Variants in BMPR1A observed in about 807,000 individuals in gnomAD.
The protein encoded by BMPR1A is bone morphogenetic protein receptor type-1A.
Under a neutral mutation model 66.0 loss-of-function variants are expected in BMPR1A, and 7 were observed. That is an observed-to-expected ratio of 0.11 (90% CI 0.06 to 0.20). BMPR1A has a LOEUF of 0.20. BMPR1A is among the 10% of genes least tolerant of loss of function. The pLI is 1.00. For synonymous variants in BMPR1A, 200 were observed against 229.7 expected, an observed-to-expected ratio of 0.87 and a Z score of 1.17; for missense variants, 408 against 669.1, an observed-to-expected ratio of 0.61 and a Z score of 4.31.
chr10:86,916,716 T>C (rs987986784), intron 8 of BMPR1A, among the ~76,000 whole-genome samples: 1 of 152,136 alleles, frequency 6.6e-6, no homozygotes. Flanking sequence ...TGGCCGGGCA[T>C]GGTGGCTCAC....
rs1048293127 is a variant in BMPR1A at position 86,866,399 on chromosome 10, CTT to C, written c.-152-9442_-152-9441del. Among the ~76,000 whole-genome samples, 153 of 69,472 alleles carry C rather than the reference CTT, an allele frequency of 2.2e-3. 9 individuals carry two copies. Among genetic ancestry groups the C allele is most frequent in the African/African-American group, 7.2e-3 (136 of 18,816 alleles). The allele number at this position is 69,472 out of a possible 152,430, so 45.6% of individuals were successfully genotyped here. A position where few individuals can be genotyped will look rare whatever the true frequency, so the allele number is the denominator to read the frequency against. ...TGTGTTAAGTTGGGCAAGTTTCTTT[CTT>C]TTTTTTTTTTTTTTTTTTTTTTTTT... On this transcript the variant is annotated intron_variant, in intron 2 of 12. Transcript: ENST00000372037.
intron 1 of BMPR1A, among the ~76,000 whole-genome samples, chr10:86,757,175 G>A (rs1306719430): frequency 6.6e-6 from 1 of 152,150 alleles, no homozygotes; most frequent in Non-Finnish European, 1.5e-5. Flanking sequence ...CCGAGTTTGG[G>A]GATGCGGAGT....
intron 1 of BMPR1A, among the ~76,000 whole-genome samples, chr10:86,810,817 AC>A (rs1232836176): frequency 2.0e-5 from 3 of 152,228 alleles, no homozygotes; most frequent in Non-Finnish European, 2.9e-5. Context: ...CTTATCAGTT[AC>A]ATGATTTACA....
intron 3 of BMPR1A, 134 bp downstream of exon 3, chr10:86,876,219 G>C (rs1842920218): frequency 1.3e-6 from 1 of 772,128 alleles, no homozygotes; most frequent in Admixed American, 2.2e-5. Flanking sequence ...AAGAAGCAAA[G>C]ATGAAACACG....
intron 3 of BMPR1A, among the ~76,000 whole-genome samples, chr10:86,886,010 T>C (rs1843062741): frequency 2.0e-5 from 3 of 152,230 alleles, no homozygotes; most frequent in Admixed American, 6.5e-5. Context: ...TGTATATGTT[T>C]TCATTTTTTC....
chr10:86,760,608 G>A (rs1335871733), intron 1 of BMPR1A, among the ~76,000 whole-genome samples: 2 of 152,050 alleles, frequency 1.3e-5, no homozygotes, highest in East Asian at 3.9e-4. Context: ...GACTTTTCTT[G>A]CATATTAAAA....
chr10:86,904,167 G>A (rs1405189272), intron 7 of BMPR1A, among the ~76,000 whole-genome samples: 3 of 152,240 alleles, frequency 2.0e-5, no homozygotes, highest in Non-Finnish European at 4.4e-5. Flanking sequence ...GCTTCCCAAA[G>A]TGTTGGGACT....
chr10:86,892,824 C>T (rs888695466), intron 5 of BMPR1A, among the ~76,000 whole-genome samples: 6 of 146,360 alleles, frequency 4.1e-5, no homozygotes, highest in South Asian at 4.2e-4. Flanking sequence ...GATCGTTCCA[C>T]GGTACTGCAG....
intron 1 of BMPR1A, among the ~76,000 whole-genome samples, chr10:86,761,562 C>T (rs979218242): frequency 3.3e-5 from 5 of 152,162 alleles, no homozygotes; most frequent in African/African-American, 4.8e-5. Context: ...TGGCCTAGCC[C>T]GGATTAAACC....
intron 1 of BMPR1A, among the ~76,000 whole-genome samples, chr10:86,771,193 G>A (rs1446763812): frequency 6.6e-6 from 1 of 151,908 alleles, no homozygotes; most frequent in African/African-American, 2.4e-5. Flanking sequence ...TGGAATTGTT[G>A]GAGTTTATCA....
intron 1 of BMPR1A, among the ~76,000 whole-genome samples, chr10:86,816,373 T>C (rs995024365): frequency 1.3e-5 from 2 of 152,168 alleles, no homozygotes; most frequent in Non-Finnish European, 2.9e-5. Flanking sequence ...AATTTAAAAT[T>C]ATACACGTGG....
rs114327421 is a variant in BMPR1A at position 86,850,996 on chromosome 10, A to G, written c.-153+12017A>G. Among the ~76,000 whole-genome samples, 869 of 152,328 alleles carry G rather than the reference A, an allele frequency of 5.7e-3. 10 individuals are homozygous for G. Among genetic ancestry groups the G allele is most frequent in the African/African-American group, 0.02 (830 of 41,580 alleles). Reference sequence around the variant, plus strand: ...TAAACTTAGCGCTGAACTATTCATGATAGTTGAAAGTTTTAAGCTAATTCA... The same window carrying G: ...TAAACTTAGCGCTGAACTATTCATGGTAGTTGAAAGTTTTAAGCTAATTCA... On this transcript the variant is annotated intron_variant, in intron 2 of 12. Transcript: ENST00000372037.
intron 1 of BMPR1A, among the ~76,000 whole-genome samples, chr10:86,796,777 C>G (rs1841717874): frequency 6.6e-6 from 1 of 151,570 alleles, no homozygotes; most frequent in South Asian, 2.1e-4. Context: ...TTTGCCATGT[C>G]ACCGAGACTG....
chr10:86,860,188 T>A (rs1842694539), intron 2 of BMPR1A, among the ~76,000 whole-genome samples: 1 of 151,996 alleles, frequency 6.6e-6, no homozygotes, highest in African/African-American at 2.4e-5. Flanking sequence ...TGAGCAAATA[T>A]GACCATAAGA....
At chr10:86,921,436 GCTT>G (rs1843663418) in intron 10 of BMPR1A, 81 bp from the exon 11 acceptor site, 2 of 1,573,326 alleles carry the variant, frequency 1.3e-6, no homozygotes, top group East Asian at 4.5e-5. Context: ...AGAAAAAGAA[GCTT>G]TTATAAAATA....
intron 11 of BMPR1A, among the ~76,000 whole-genome samples, chr10:86,923,077 T>C (rs1843690266): frequency 6.6e-6 from 1 of 152,250 alleles, no homozygotes; most frequent in Non-Finnish European, 1.5e-5. Context: ...AGTAAATAAT[T>C]ATACTTTAGG....
chr10:86,763,032 G>T (rs941014285), intron 1 of BMPR1A, among the ~76,000 whole-genome samples: 3 of 151,868 alleles, frequency 2.0e-5, no homozygotes, highest in Non-Finnish European at 4.4e-5. Context: ...AGTAGTTGGG[G>T]TCACAAGCGT....
chr10:86,826,993 T>C (rs1564696643), intron 1 of BMPR1A, among the ~76,000 whole-genome samples: 1 of 75,756 alleles, frequency 1.3e-5, no homozygotes, highest in Non-Finnish European at 3.2e-5. Flanking sequence ...TATCTACTTA[T>C]CTTTCTATCT....
chr10:86,848,125 G>A (rs1184953025), intron 2 of BMPR1A, among the ~76,000 whole-genome samples: 1 of 152,012 alleles, frequency 6.6e-6, no homozygotes, highest in Non-Finnish European at 1.5e-5. Context: ...TAGAGATGGG[G>A]CTTCATCATG....
Sources: allele counts gnomAD v4.1 joint callset (sites outside exome capture counted in the v4.1 genomes callset), GRCh38; gene constraint gnomAD v4.1.1; transcripts MANE v1.5; gene names NCBI Gene and HGNC (gene_info 2026-07-23, HGNC 2026-07-21).